Variants in DMWD observed in about 807,000 individuals in gnomAD.
The protein encoded by DMWD is dystrophia myotonica WD repeat-containing protein.
A neutral mutation model predicts 45.8 loss-of-function variants in DMWD; 19 were observed. The ratio of observed to expected loss-of-function variants is 0.41; its 90% CI spans 0.29 to 0.61. The LOEUF is 0.61. Ranked by LOEUF, DMWD falls within the 20% of genes least tolerant of loss-of-function variation. DMWD has a pLI of 0.25. For synonymous variants in DMWD, 515 were observed against 440.5 expected (o/e 1.17, Z -2.12); for missense variants, 802 against 965.2 (o/e 0.83, Z 2.24).
intron 1 of DMWD, 45 bp from the exon 2 acceptor site, chr19:45,791,132 G>T (rs1430931947): frequency 3.2e-6 from 5 of 1,547,302 alleles, no homozygotes; most frequent in Non-Finnish European, 4.4e-6. Flanking sequence ...TGCCACTGAG[G>T]AGAAGGAAGA....
At chr19:45,786,932 C>T in intron 2 of DMWD, 61 bp from the exon 3 acceptor site, 1 of 1,551,350 alleles carries the variant, frequency 6.4e-7, no homozygotes, top group Non-Finnish European at 8.7e-7. Flanking sequence ...GAACTTCTCC[C>T]CGACCCAAAG....
At position 45,792,749 on chromosome 19, in the gene DMWD, G is replaced by A. The variant is rs1568594843; in HGVS notation, c.8C>T (p.Ala3Val). ...GCCCGAGCCGCCCTCCGCGCCGCCC[G>A]CCGCCATCTTGGGCGCCCCCCGGGC... MA[A>V]GGAEGGSGPG... Residue 3 changes from alanine to valine, a missense_variant, in exon 1 of 5, where the codon GCG (alanine) becomes GTG (valine). Around this residue, in one of 9 missense-constraint regions of DMWD, gnomAD observed 151 missense variants for 128.1 expected, o/e 1.18. Transcript: ENST00000270223. 5 of 1,137,208 alleles carry A rather than the reference G, an allele frequency of 4.4e-6. No individual in the cohort carries two copies. The highest frequency in any genetic ancestry group is 5.4e-6 in the Non-Finnish European group (5 of 925,858). The allele number at this position is 1,137,208 out of a possible 1,614,324, so 70.4% of individuals were successfully genotyped here.
intron 3 of DMWD, 69 bp from the exon 4 acceptor site, chr19:45,784,784 A>C (rs973223886): frequency 1.9e-6 from 3 of 1,576,626 alleles, no homozygotes. Context: ...CTTGCCTCTG[A>C]GTCACTCAGA....
At chr19:45,787,833 T>G (rs554511647) in intron 2 of DMWD, among the ~76,000 whole-genome samples, 3 of 152,196 alleles carry the variant, frequency 2.0e-5, no homozygotes, top group African/African-American at 7.2e-5. Context: ...TTTGGGAGGC[T>G]GAGGCAGGCG....
At chr19:45,787,324 G>C (rs1970294241) in intron 2 of DMWD, 2 of 217,164 alleles carry the variant, frequency 9.2e-6, no homozygotes, top group Non-Finnish European at 1.9e-5. Context: ...ATCCTCGTAA[G>C]AGTGCGAACC....
At chr19:45,786,941 A>T in intron 2 of DMWD, 70 bp from the exon 3 acceptor site, 1 of 1,542,136 alleles carries the variant, frequency 6.5e-7, no homozygotes, top group Non-Finnish European at 8.8e-7. Flanking sequence ...CCCGACCCAA[A>T]GTCCCCAAGA....
intron 2 of DMWD, among the ~76,000 whole-genome samples, chr19:45,788,336 C>G (rs1410173100): frequency 6.6e-6 from 1 of 152,212 alleles, no homozygotes; most frequent in African/African-American, 2.4e-5. Context: ...CCAGTGTATG[C>G]AACTAAGGAG....
chr19:45,785,368 G>A, intron 3 of DMWD: 2 of 1,240,144 alleles, frequency 1.6e-6, no homozygotes, highest in East Asian at 3.2e-5. Context: ...ATTCCTAGCT[G>A]GCTCTCACAC....
In DMWD at chr19:45,784,658, T is replaced by C; in HGVS notation, c.1960A>G (p.Ser654Gly). The part of the protein sequence containing the change: ...TGEGSWPRSP[S>G]KSVVEGISSQ... ...AGTCCTACCTCTACCACTGACTTGC[T>C]GGGTGACCTGGGCCAACTTCCTTCC... The change falls in exon 4 of 5, where the codon AGC becomes GGC. Residue 654 changes from serine to glycine, a missense_variant. Ser to Gly is a moderately conservative substitution (Grantham distance 56). Coordinates refer to ENST00000270223, the MANE Select transcript of DMWD (RefSeq NM_004943.2). The C allele has an allele frequency of 6.2e-7, 1 of 1,613,892 alleles. No individual in the cohort carries two copies. Among genetic ancestry groups the C allele is most frequent in the Non-Finnish European group, 8.5e-7 (1 of 1,179,838 alleles).
At chr19:45,787,508 T>C (rs1014520002) in intron 2 of DMWD, among the ~76,000 whole-genome samples, 2 of 152,152 alleles carry the variant, frequency 1.3e-5, no homozygotes, top group African/African-American at 4.8e-5. Flanking sequence ...GACCACTGTA[T>C]CTGTCTAACC....
Position 45,786,121 on chromosome 19 carries a change from T to G in DMWD, c.1375A>C (p.Thr459Pro), listed in dbSNP as rs1273820821. The change falls in exon 3 of 5, where the codon ACC becomes CCC. Residue 459 changes from threonine to proline, a missense_variant. Thr to Pro is a conservative substitution (Grantham distance 38, BLOSUM62 -1). This residue lies in a region of DMWD where 303 missense variants were observed against 332.9 expected (regional missense o/e 0.91). Transcript: ENST00000270223. Reference sequence around the variant, plus strand: ...CCAGGTGTGCCAGGGAGGGTGCGGGTGCGGGCCAGGGGGGGGTGCGGGTAG... The same window carrying G: ...CCAGGTGTGCCAGGGAGGGTGCGGGGGCGGGCCAGGGGGGGGTGCGGGTAG... Reference protein sequence around the residue: ...VLYPHPPLARTRTLPGTPGTT... With the variant: ...VLYPHPPLARPRTLPGTPGTT... 1.2e-5 allele frequency: 19 copies of G among 1,539,456 alleles called. No homozygotes were observed. Among genetic ancestry groups the G allele is most frequent in the Non-Finnish European group, 1.4e-5 (16 of 1,141,178 alleles).
Position 45,786,079 on chromosome 19 carries a change from C to T in DMWD, c.1417G>A (p.Ala473Thr), listed in dbSNP as rs759747786. Residue 473 changes from alanine to threonine, a missense_variant, in exon 3 of 5, where the codon GCC becomes ACC. Physicochemically the swap from Ala to Thr is moderately conservative, Grantham distance 58. This residue lies in a region of DMWD where 303 missense variants were observed against 332.9 expected (regional missense o/e 0.91). Coordinates refer to ENST00000270223, the MANE Select transcript of DMWD (RefSeq NM_004943.2). ...GGCTCGCCACCCCTCGAGCTGCTGG[C>T]GGCCGGTGGCGTGGTGCCAGGTGTG... The part of the protein sequence containing the change: ...PGTPGTTPPA[A>T]SSSRGGEPGP... 13 of 1,515,480 alleles carry T rather than the reference C, an allele frequency of 8.6e-6. No individual in the cohort carries two copies. The highest frequency in any genetic ancestry group is 1.8e-4 in the Middle Eastern group (1 of 5,600). 93.9% of individuals were successfully genotyped at this position (1,515,480 alleles called of 1,614,324 possible). A position where few individuals can be genotyped will look rare whatever the true frequency, so the allele number is the denominator to read the frequency against.
rs201267914 is a variant in DMWD, at chr19:45,785,981, C to T, written c.1515G>A (p.Ala505=). The change falls in exon 3 of 5, where the codon GCG becomes GCA. Residue 505 remains alanine, a synonymous_variant. Coordinates refer to ENST00000270223, the MANE Select transcript of DMWD (RefSeq NM_004943.2). ...SLPHPAGGGK[A]GGPGVAAEPG... ...GCTCTGCCGCCACACCCGGGCCGCC[C>T]GCCTTGCCCCCGCCAGCTGGGTGCG... 1.9e-3 allele frequency: 3,061 copies of T among 1,571,026 alleles called. 23 individuals carry two copies. Among genetic ancestry groups the T allele is most frequent in the South Asian group, 0.011 (959 of 86,148 alleles).
chr19:45,785,457 C>T (rs1236777994), intron 3 of DMWD, 137 bp downstream of exon 3: 2 of 1,391,754 alleles, frequency 1.4e-6, no homozygotes, highest in South Asian at 3.4e-5. Flanking sequence ...TACTGAGACA[C>T]TAAGATTTCC....
intron 1 of DMWD, among the ~76,000 whole-genome samples, chr19:45,791,569 C>G (rs1970357147): frequency 6.6e-6 from 1 of 152,144 alleles, no homozygotes; most frequent in Admixed American, 6.5e-5. Flanking sequence ...CGCCACAGTT[C>G]TGGGACCCGT....
chr19:45,783,514 A>G lies in DMWD; in HGVS notation c.*729T>C. 1 of 398,516 alleles carries G rather than the reference A, an allele frequency of 2.5e-6. No homozygotes were observed. Among genetic ancestry groups the G allele is most frequent in the East Asian group, 3.6e-5 (1 of 28,050 alleles). The allele number at this position is 398,516 out of a possible 1,614,324, so 24.7% of individuals were successfully genotyped here. A position where few individuals can be genotyped will look rare whatever the true frequency, so the allele number is the denominator to read the frequency against. ...CGGGCAGGATGCTCTTCTCCCCAAG[A>G]GGGTCCTGCTCCAGCCGCTGGTGTG... On this transcript the variant is annotated 3_prime_UTR_variant, in exon 5 of 5. Coordinates refer to ENST00000270223, the MANE Select transcript of DMWD (RefSeq NM_004943.2).
At position 45,792,339 on chromosome 19, in the gene DMWD, A is replaced by T. The variant is rs776406984; in HGVS notation, c.418T>A (p.Cys140Ser). ...LGRELYFYPG[C>S]CRRGSQRSID... ...ACCCGTTGGCTCCCACGACGACAGC[A>T]GCCTGGGTAGAAATAGAGCTCACGG... Residue 140 changes from cysteine (C) to serine (S), a missense_variant, in exon 1 of 5, where the codon TGC becomes AGC. By Grantham distance (112) the Cys-to-Ser change is moderately radical (BLOSUM62 -1). Coordinates refer to ENST00000270223, the MANE Select transcript of DMWD (RefSeq NM_004943.2). 94 of 1,611,846 alleles carry T rather than the reference A, an allele frequency of 5.8e-5. No individual in the cohort carries two copies. The highest frequency in any genetic ancestry group is 5.5e-4 in the Admixed American group (33 of 59,878).
intron 3 of DMWD, 134 bp downstream of exon 3, chr19:45,785,460 A>T: frequency 7.2e-7 from 1 of 1,390,546 alleles, no homozygotes; most frequent in Non-Finnish European, 9.3e-7. Context: ...TGAGACACTA[A>T]GATTTCCCTG....
At chr19:45,784,755 C>T in intron 3 of DMWD, 40 bp from the exon 4 acceptor site, 1 of 1,601,672 alleles carries the variant, frequency 6.2e-7, no homozygotes. Flanking sequence ...CTCAACCAGA[C>T]TCCCCAAATC....
Sources: gnomAD v4.1 joint callset for allele counts (sites outside exome capture counted in the v4.1 genomes callset) on GRCh38, gnomAD v4.1.1 for gene constraint, gnomAD v4.1.1 regional missense constraint, MANE v1.5 for transcripts, NCBI Gene and HGNC (gene_info 2026-07-23, HGNC 2026-07-21) for gene names.